The following ANKIB1 variants were observed in gnomAD, a reference collection of about 807,000 sequenced individuals.
The protein encoded by ANKIB1 is ankyrin repeat and IBR domain containing 1, also known as ankyrin repeat and IBR domain-containing protein 1.
ANKIB1 carries 43 observed loss-of-function variants against 122.1 expected under a neutral mutation model. The ratio of observed to expected loss-of-function variants is 0.35; its 90% CI spans 0.28 to 0.45. The LOEUF (loss-of-function observed/expected upper bound fraction) is 0.45. Among genes scored for constraint, ANKIB1 ranks in the 20% least tolerant of loss-of-function variants. The probability of loss-of-function intolerance (pLI) is 1.00; values close to 1 mark genes in which losing one functional copy is unlikely to be tolerated. For synonymous variants in ANKIB1, 390 were observed against 442.0 expected, an observed-to-expected ratio of 0.88 and a Z score of 1.48; for missense variants, 992 against 1,329.5, an observed-to-expected ratio of 0.75 and a Z score of 3.95.
chr7:92,373,616 A>G (rs1232002476), intron 11 of ANKIB1, among the ~76,000 whole-genome samples: 1 of 152,194 alleles, frequency 6.6e-6, no homozygotes, highest in Non-Finnish European at 1.5e-5. Flanking sequence ...GACTTATGTA[A>G]AAGTATCACA....
At chr7:92,304,383 C>T (rs957881022) in intron 2 of ANKIB1, among the ~76,000 whole-genome samples, 3 of 151,980 alleles carry the variant, frequency 2.0e-5, no homozygotes, top group African/African-American at 7.2e-5. Flanking sequence ...TTAATGAACC[C>T]GGCGGATTGG....
intron 6 of ANKIB1, among the ~76,000 whole-genome samples, chr7:92,344,193 G>GTTTT (rs67933063): frequency 1.0e-4 from 10 of 97,672 alleles, no homozygotes; most frequent in African/African-American, 2.9e-4. Flanking sequence ...TGTGTTTTTG[G>GTTTT]TTTTTTTTTT....
At chr7:92,301,493 A>G (rs966609055) in intron 2 of ANKIB1, among the ~76,000 whole-genome samples, 4 of 152,052 alleles carry the variant, frequency 2.6e-5, no homozygotes, top group African/African-American at 7.2e-5. Flanking sequence ...TCTTGTTTGG[A>G]AAAATCATCC....
In ANKIB1 at chr7:92,400,795, G is replaced by A. The variant is rs1303892566; in HGVS notation, c.*1846G>A. On this transcript the variant is annotated 3_prime_UTR_variant, in exon 20 of 20. Coordinates refer to ENST00000265742, the MANE Select transcript of ANKIB1 (RefSeq NM_019004.2). ...TATCAATCCCTATTAAATTAGTGGG[G>A]GGAATATTAACTTTATCTACAGTGT... 2 of 152,032 alleles carry A rather than the reference G, an allele frequency of 1.3e-5. No individual in the cohort carries two copies. Among genetic ancestry groups the A allele is most frequent in the Non-Finnish European group, 2.9e-5 (2 of 68,010 alleles). 9.4% of individuals were successfully genotyped at this position (152,032 alleles called of 1,614,324 possible). A position where few individuals can be genotyped will look rare whatever the true frequency, so the allele number is the denominator to read the frequency against.
chr7:92,257,425 A>G (rs373747324), intron 1 of ANKIB1, among the ~76,000 whole-genome samples: 2 of 152,222 alleles, frequency 1.3e-5, no homozygotes, highest in African/African-American at 4.8e-5. Context: ...GGCATGCACT[A>G]CTGCCAATAA....
At chr7:92,309,923 T>TAAAAAAAAAAAA (rs869276384) in intron 3 of ANKIB1, among the ~76,000 whole-genome samples, 11 of 96,050 alleles carry the variant, frequency 1.1e-4, no homozygotes, top group East Asian at 4.7e-4. Flanking sequence ...AGACTCCATC[T>TAAAAAAAAAAAA]AAAAAAAAAA....
intron 10 of ANKIB1, among the ~76,000 whole-genome samples, chr7:92,370,290 C>G (rs954181595): frequency 1.3e-5 from 2 of 151,456 alleles, no homozygotes; most frequent in Non-Finnish European, 2.9e-5. Context: ...GGGCGGATCA[C>G]GAGGTCAGGA....
chr7:92,307,185 G>A (rs1347118630), intron 2 of ANKIB1, among the ~76,000 whole-genome samples, 174 bp from the exon 3 acceptor site: 2 of 152,036 alleles, frequency 1.3e-5, no homozygotes, highest in Non-Finnish European at 2.9e-5. Flanking sequence ...CTAGAATAGA[G>A]TTTTTTAAAA....
At chr7:92,385,500 G>C (rs1804617046) in intron 11 of ANKIB1, among the ~76,000 whole-genome samples, 1 of 152,176 alleles carries the variant, frequency 6.6e-6, no homozygotes, top group African/African-American at 2.4e-5. Flanking sequence ...ATCAATGATA[G>C]ACTGGATTAA....
chr7:92,338,143 G>A (rs981510626), intron 5 of ANKIB1, among the ~76,000 whole-genome samples: 1 of 152,020 alleles, frequency 6.6e-6, no homozygotes, highest in Admixed American at 6.5e-5. Context: ...AGGTGTAGTG[G>A]CTCAGGTCTG....
chr7:92,369,746 C>A (rs1395861983), intron 10 of ANKIB1, among the ~76,000 whole-genome samples: 1 of 152,146 alleles, frequency 6.6e-6, no homozygotes, highest in Non-Finnish European at 1.5e-5. Context: ...GATTTTCTGG[C>A]ATCTCTTTGA....
chr7:92,309,942 A>AAAAAAATATATATATATATATAT (rs1335765681), intron 3 of ANKIB1, among the ~76,000 whole-genome samples: 3 of 91,786 alleles, frequency 3.3e-5, no homozygotes, highest in African/African-American at 1.5e-4. Context: ...AAAAAAAAAA[A>AAAAAAATATATATATATATATAT]ATATATATAT....
intron 4 of ANKIB1, among the ~76,000 whole-genome samples, chr7:92,325,509 C>T (rs1026255676): frequency 6.6e-6 from 1 of 152,156 alleles, no homozygotes; most frequent in African/African-American, 2.4e-5. Context: ...AAGCTAAGCT[C>T]ATGGATCAGC....
At chr7:92,338,129 G>A (rs1254446724) in intron 5 of ANKIB1, among the ~76,000 whole-genome samples, 1 of 152,100 alleles carries the variant, frequency 6.6e-6, no homozygotes. Context: ...AGATTATTAA[G>A]GCTAGGTGTA....
intron 15 of ANKIB1, 36 bp downstream of exon 15, chr7:92,390,152 T>C (rs373491428): frequency 2.7e-6 from 4 of 1,460,598 alleles, no homozygotes; most frequent in Non-Finnish European, 3.7e-6. Flanking sequence ...ATGGCAGCAG[T>C]TATTATGAAA....
rs555415700 is a variant in ANKIB1, at chr7:92,397,924, G to A, written c.2532+65G>A. 4.3e-5 allele frequency: 66 copies of A among 1,538,940 alleles called. No homozygotes were observed. The South Asian group carries it at 7.6e-4, about 18-fold the overall frequency. On this transcript the variant is annotated intron_variant, in intron 19 of 19. Transcript: ENST00000265742. ...CTTTCTCTGCTGAGTGTGGTTTCCTGTTGTTACTTTCATCGCTTTCCTATT... is the reference window on the plus strand; with the variant it reads ...CTTTCTCTGCTGAGTGTGGTTTCCTATTGTTACTTTCATCGCTTTCCTATT...
chr7:92,276,243 A>G (rs186382764), intron 1 of ANKIB1, among the ~76,000 whole-genome samples: 2 of 152,342 alleles, frequency 1.3e-5, no homozygotes, highest in African/African-American at 4.8e-5. Flanking sequence ...CTACAGAACA[A>G]TTGTTCCAAG....
chr7:92,310,842 T>C (rs984387539), intron 3 of ANKIB1, among the ~76,000 whole-genome samples: 6 of 152,212 alleles, frequency 3.9e-5, no homozygotes, highest in African/African-American at 1.4e-4. Flanking sequence ...TTTTACCTGC[T>C]GTTGGTTGAA....
intron 11 of ANKIB1, among the ~76,000 whole-genome samples, chr7:92,384,623 C>T (rs571336779): frequency 6.6e-6 from 1 of 152,054 alleles, no homozygotes; most frequent in African/African-American, 2.4e-5. Flanking sequence ...CTGACAAAAA[C>T]AAGAAATGGG....
Sources: gnomAD v4.1 joint callset for allele counts (sites outside exome capture counted in the v4.1 genomes callset) on GRCh38, gnomAD v4.1.1 for gene constraint, MANE v1.5 for transcripts, NCBI Gene and HGNC (gene_info 2026-07-23, HGNC 2026-07-21) for gene names.